The following PREX1 variants were observed in gnomAD, a reference collection of about 807,000 sequenced individuals.
PREX1 encodes the protein phosphatidylinositol 3,4,5-trisphosphate-dependent Rac exchanger 1 protein.
In PREX1, 41 loss-of-function variants were observed where a neutral mutation model predicts 198.3. That is an observed-to-expected ratio of 0.21 (90% CI 0.16 to 0.27). The LOEUF is 0.27. PREX1 is among the 10% of genes least tolerant of loss of function. The pLI is 1.00. For missense variants in PREX1, 1,620 were observed against 2,200.7 expected, an observed-to-expected ratio of 0.74 and a Z score of 5.28; for synonymous variants, 843 against 887.2, an observed-to-expected ratio of 0.95 and a Z score of 0.89.
chr20:48,724,984 GAGC>G (rs2090003264), intron 5 of PREX1, among the ~76,000 whole-genome samples: 1 of 152,176 alleles, frequency 6.6e-6, no homozygotes, highest in Non-Finnish European at 1.5e-5. Context: ...TCAACAGCAG[GAGC>G]AGACCAGAGG....
intron 3 of PREX1, among the ~76,000 whole-genome samples, chr20:48,743,209 CAGT>C (rs1321430064): frequency 6.6e-6 from 1 of 152,176 alleles, no homozygotes; most frequent in Non-Finnish European, 1.5e-5. Context: ...GGCTGGCGAG[CAGT>C]AGAACAGGGA....
intron 7 of PREX1, among the ~76,000 whole-genome samples, chr20:48,695,329 T>C (rs188503649): frequency 1.2e-3 from 179 of 152,354 alleles, no homozygotes; most frequent in African/African-American, 4.2e-3. Flanking sequence ...CTGCTGGGTA[T>C]AGTGACATGG....
intron 7 of PREX1, among the ~76,000 whole-genome samples, chr20:48,696,977 T>TACACACACAC (rs11467059): frequency 0.13 from 19,621 of 148,540 alleles, 1,518 homozygotes; most frequent in Middle Eastern, 0.23. Context: ...TAAATCTCTT[T>TACACACACAC]ACACACACAC....
the PREX1 span, among the ~76,000 whole-genome samples, chr20:48,856,815 T>C: frequency 6.6e-6 from 1 of 152,212 alleles, no homozygotes; most frequent in Non-Finnish European, 1.5e-5. Flanking sequence ...TTCTCCTTTG[T>C]GGTTTTCAAA....
At chr20:48,637,166 G>T (rs1352536917) in intron 31 of PREX1, among the ~76,000 whole-genome samples, 2 of 152,190 alleles carry the variant, frequency 1.3e-5, no homozygotes, top group African/African-American at 4.8e-5. Context: ...CCTTGACCTT[G>T]GCATGGTCTG....
At chr20:48,777,429 G>A (rs1446455619) in intron 1 of PREX1, among the ~76,000 whole-genome samples, 8 of 152,186 alleles carry the variant, frequency 5.3e-5, no homozygotes, top group African/African-American at 7.2e-5. Flanking sequence ...CATTACGGTT[G>A]ATGCTGATCC....
At chr20:48,722,815 C>T (rs2089991981) in intron 5 of PREX1, among the ~76,000 whole-genome samples, 1 of 152,254 alleles carries the variant, frequency 6.6e-6, no homozygotes, top group Admixed American at 6.5e-5. Context: ...CTGCAGGGCC[C>T]AGCCCAAGTC....
chr20:48,631,559 G>C (rs1229242577), intron 35 of PREX1, among the ~76,000 whole-genome samples: 1 of 152,216 alleles, frequency 6.6e-6, no homozygotes, highest in South Asian at 2.1e-4. Context: ...TGACAGCCCT[G>C]ATCAATCCAA....
intron 1 of PREX1, among the ~76,000 whole-genome samples, chr20:48,772,706 G>A (rs1045099811): frequency 1.4e-4 from 21 of 152,206 alleles, no homozygotes; most frequent in African/African-American, 4.8e-4. Flanking sequence ...GGCAGAGCAG[G>A]CTGGGCTAGG....
the PREX1 span, among the ~76,000 whole-genome samples, chr20:48,837,244 A>G: frequency 6.6e-6 from 1 of 152,196 alleles, no homozygotes; most frequent in East Asian, 1.9e-4. Flanking sequence ...TAGTTTAACC[A>G]CTGTGGGAAG....
At chr20:48,860,226 A>G in the PREX1 span, among the ~76,000 whole-genome samples, 3 of 152,360 alleles carry the variant, frequency 2.0e-5, no homozygotes, top group Middle Eastern at 3.4e-3. Flanking sequence ...TACATGCTAC[A>G]ACATGGGTGA....
At chr20:48,828,189 G>A (rs1288587406), upstream of PREX1, among the ~76,000 whole-genome samples, 1 of 150,914 alleles carries the variant, frequency 6.6e-6, no homozygotes, top group Non-Finnish European at 1.5e-5. Flanking sequence ...GGGACGCGGC[G>A]CGGCGCTCGG....
At chr20:48,644,275 A>C (rs2089435335) in intron 27 of PREX1, 134 bp downstream of exon 27, 1 of 729,678 alleles carries the variant, frequency 1.4e-6, no homozygotes, top group African/African-American at 1.8e-5. Context: ...GAATGGAAGG[A>C]AATCAAGTAC....
intron 1 of PREX1, among the ~76,000 whole-genome samples, chr20:48,753,703 T>C (rs2090144176): frequency 6.6e-6 from 1 of 152,178 alleles, no homozygotes; most frequent in East Asian, 1.9e-4. Context: ...TGGTCTCCTT[T>C]TTGTTTCTTG....
At chr20:48,795,219 T>C (rs929145717) in intron 1 of PREX1, among the ~76,000 whole-genome samples, 1 of 152,162 alleles carries the variant, frequency 6.6e-6, no homozygotes, top group Non-Finnish European at 1.5e-5. Context: ...GCTGGGATGC[T>C]GGTTCTGCCA....
At chr20:48,800,768 C>T (rs745912578) in intron 1 of PREX1, among the ~76,000 whole-genome samples, 3 of 152,132 alleles carry the variant, frequency 2.0e-5, no homozygotes, top group Non-Finnish European at 4.4e-5. Flanking sequence ...TATAATGAGA[C>T]CAATGCCTTT....
intron 1 of PREX1, among the ~76,000 whole-genome samples, chr20:48,786,619 C>G (rs2090313382): frequency 6.6e-6 from 1 of 151,924 alleles, no homozygotes; most frequent in Admixed American, 6.6e-5. Context: ...TGGTGCACAC[C>G]TGTAATCCCA....
At chr20:48,868,631 C>T in the PREX1 span, among the ~76,000 whole-genome samples, 3 of 152,218 alleles carry the variant, frequency 2.0e-5, no homozygotes, top group Admixed American at 2.0e-4. Flanking sequence ...CTTTTCAAAA[C>T]TCAAAATTCA....
At chr20:48,871,767 TGTGCTTG>T in the PREX1 span, among the ~76,000 whole-genome samples, 2 of 125,024 alleles carry the variant, frequency 1.6e-5, no homozygotes, top group African/African-American at 6.2e-5. Flanking sequence ...TATTGTGAAT[TGTGCTTG>T]GTAATCACAC....
Sources: allele counts gnomAD v4.1 joint callset (sites outside exome capture counted in the v4.1 genomes callset), GRCh38; gene constraint gnomAD v4.1.1; transcripts MANE v1.5; gene names NCBI Gene and HGNC (gene_info 2026-07-23, HGNC 2026-07-21).